Variants in LRRC37A2 observed in about 807,000 individuals in gnomAD.
LRRC37A2 encodes the protein leucine-rich repeat-containing protein 37A2.
A neutral mutation model predicts 68.8 loss-of-function variants in LRRC37A2; 9 were observed. The ratio of observed to expected loss-of-function variants is 0.13; its 90% CI spans 0.08 to 0.23. The LOEUF is 0.23. Among genes scored for constraint, LRRC37A2 ranks in the 10% least tolerant of loss-of-function variants. The pLI, the probability that LRRC37A2 is intolerant of heterozygous loss-of-function variation, is 1.00. For missense variants in LRRC37A2, 168 were observed against 950.4 expected, an observed-to-expected ratio of 0.18 and a Z score of 10.82; for synonymous variants, 63 against 367.6, an observed-to-expected ratio of 0.17 and a Z score of 9.48.
chr17:46,770,967 C>G, the LRRC37A2 span, among the ~76,000 whole-genome samples: 14 of 152,394 alleles, frequency 9.2e-5, no homozygotes, highest in Non-Finnish European at 1.3e-4. Flanking sequence ...GACTCGCCAC[C>G]TGACACAGGC....
chr17:46,684,600 C>T, the LRRC37A2 span, among the ~76,000 whole-genome samples: 1 of 152,106 alleles, frequency 6.6e-6, no homozygotes, highest in Non-Finnish European at 1.5e-5. Context: ...TAATGCCACA[C>T]ATCTACAACC....
chr17:46,728,147 G>A, the LRRC37A2 span, among the ~76,000 whole-genome samples: 1 of 152,172 alleles, frequency 6.6e-6, no homozygotes, highest in Non-Finnish European at 1.5e-5. Context: ...AGCTAAGCAG[G>A]TGGCATTTAC....
the LRRC37A2 span, among the ~76,000 whole-genome samples, chr17:46,828,832 C>T: frequency 2.0e-5 from 3 of 151,638 alleles, no homozygotes; most frequent in East Asian, 5.8e-4. Flanking sequence ...GTTGGTGGCT[C>T]GTGCCTGTAG....
the LRRC37A2 span, chr17:46,923,285 G>C: frequency 6.5e-7 from 1 of 1,549,472 alleles, no homozygotes. Flanking sequence ...CCTGGCTTCT[G>C]GGGCTGAGGC....
the LRRC37A2 span, chr17:46,964,972 T>C: frequency 6.6e-6 from 1 of 152,264 alleles, no homozygotes; most frequent in Non-Finnish European, 1.5e-5. Flanking sequence ...AGAAACAATT[T>C]AGTTACCATG....
chr17:46,635,580 G>T, the LRRC37A2 span, among the ~76,000 whole-genome samples: 1 of 94,876 alleles, frequency 1.1e-5, no homozygotes, highest in Non-Finnish European at 2.3e-5. Context: ...CCCATGATGT[G>T]TAGCAACTCC....
chr17:46,997,749 C>A, the LRRC37A2 span, among the ~76,000 whole-genome samples: 1 of 152,128 alleles, frequency 6.6e-6, no homozygotes, highest in Non-Finnish European at 1.5e-5. Flanking sequence ...GCAGGTAGAT[C>A]ATTTGAGGTT....
chr17:46,784,486 C>T, the LRRC37A2 span, among the ~76,000 whole-genome samples: 2 of 151,810 alleles, frequency 1.3e-5, no homozygotes, highest in Admixed American at 6.6e-5. Flanking sequence ...CTGAGCGTCA[C>T]GGTGGGAGCA....
intron 8 of LRRC37A2, among the ~76,000 whole-genome samples, chr17:46,541,910 A>G (rs1420849506): frequency 6.8e-6 from 1 of 147,922 alleles, no homozygotes; most frequent in Admixed American, 6.7e-5. Flanking sequence ...ACAACTGTTC[A>G]CTCCTTTTTA....
the LRRC37A2 span, among the ~76,000 whole-genome samples, chr17:46,734,223 A>T: frequency 6.6e-6 from 1 of 152,226 alleles, no homozygotes; most frequent in Admixed American, 6.5e-5. Context: ...TGCAGGCCTA[A>T]ACATGAGTAT....
At chr17:46,709,787 G>A in the LRRC37A2 span, among the ~76,000 whole-genome samples, 2 of 152,060 alleles carry the variant, frequency 1.3e-5, no homozygotes, top group South Asian at 2.1e-4. Context: ...GAGTCACTGC[G>A]CCCGGCCATG....
At chr17:47,024,868 A>C in the LRRC37A2 span, 6 of 596,698 alleles carry the variant, frequency 1.0e-5, no homozygotes, top group East Asian at 1.7e-4. Flanking sequence ...GCAATTCTGT[A>C]AGTTTGTATA....
chr17:46,908,270 C>G, the LRRC37A2 span, among the ~76,000 whole-genome samples: 1 of 151,814 alleles, frequency 6.6e-6, no homozygotes, highest in South Asian at 2.1e-4. Context: ...TGGCCCGCAG[C>G]GGGAAGGGGG....
At chr17:46,903,909 T>A in the LRRC37A2 span, among the ~76,000 whole-genome samples, 2 of 151,048 alleles carry the variant, frequency 1.3e-5, no homozygotes, top group Admixed American at 1.3e-4. Context: ...GCTGTATGAA[T>A]GTATGAATGG....
chr17:46,888,279 A>T, the LRRC37A2 span, among the ~76,000 whole-genome samples: 4,992 of 152,184 alleles, frequency 0.033, 104 homozygotes, highest in Middle Eastern at 0.061. Context: ...GCAGGTGTCA[A>T]TGGAAGTTTA....
At chr17:46,722,390 C>A in the LRRC37A2 span, among the ~76,000 whole-genome samples, 4 of 152,172 alleles carry the variant, frequency 2.6e-5, no homozygotes, top group Non-Finnish European at 5.9e-5. Context: ...CTATAACTCA[C>A]GGTGAGTTTG....
chr17:46,823,039 T>C, the LRRC37A2 span, among the ~76,000 whole-genome samples: 17 of 142,176 alleles, frequency 1.2e-4, no homozygotes, highest in East Asian at 4.0e-4. Flanking sequence ...ATAATAAATA[T>C]GTATTTATAA....
chr17:46,857,806 T>C, the LRRC37A2 span, among the ~76,000 whole-genome samples: 1 of 152,258 alleles, frequency 6.6e-6, no homozygotes, highest in Non-Finnish European at 1.5e-5. Flanking sequence ...TAATTTGTAT[T>C]TCCCCATTGA....
At chr17:46,467,311 G>T in the LRRC37A2 span, among the ~76,000 whole-genome samples, 1 of 60,730 alleles carries the variant, frequency 1.6e-5, no homozygotes, top group African/African-American at 8.0e-5. Context: ...TAAATATTGG[G>T]TTTTTTGTTT....
Sources: allele counts gnomAD v4.1 joint callset (sites outside exome capture counted in the v4.1 genomes callset), GRCh38; gene constraint gnomAD v4.1.1; transcripts MANE v1.5; gene names NCBI Gene and HGNC (gene_info 2026-07-23, HGNC 2026-07-21).